The following DECR1 variants were observed in gnomAD, a reference collection of about 807,000 sequenced individuals.
DECR1 encodes 2,4-dienoyl-CoA reductase [(3E)-enoyl-CoA-producing], mitochondrial.
In DECR1, 44 loss-of-function variants were observed where a neutral mutation model predicts 38.8. The observed-to-expected ratio is 1.13, with a 90% CI of 0.89 to 1.46. DECR1 has a LOEUF of 1.46. Among genes scored for constraint, DECR1 ranks in the 40% most tolerant of loss-of-function variants. The probability of loss-of-function intolerance (pLI) is 0.00; values close to 1 mark genes in which losing one functional copy is unlikely to be tolerated. For missense variants in DECR1, 428 were observed against 405.5 expected, an observed-to-expected ratio of 1.06 and a Z score of -0.48; for synonymous variants, 148 against 135.2, an observed-to-expected ratio of 1.09 and a Z score of -0.66.
At chr8:90,013,399 G>GTTTTTTTTTTTT (rs57505716) in intron 1 of DECR1, among the ~76,000 whole-genome samples, 13 of 77,976 alleles carry the variant, frequency 1.7e-4, no homozygotes, top group Non-Finnish European at 2.1e-4. Context: ...CTCTTCTTTC[G>GTTTTTTTTTTTT]TTTTTTTTTT....
At chr8:90,007,370 C>G (rs1433176912) in intron 1 of DECR1, among the ~76,000 whole-genome samples, 1 of 152,106 alleles carries the variant, frequency 6.6e-6, no homozygotes, top group Non-Finnish European at 1.5e-5. Flanking sequence ...CTCGGAAGAT[C>G]AGTTAAAAGA....
At chr8:90,031,804 G>A (rs1456810038) in intron 5 of DECR1, among the ~76,000 whole-genome samples, 1 of 152,128 alleles carries the variant, frequency 6.6e-6, no homozygotes, top group African/African-American at 2.4e-5. Context: ...AAGGAGTTCA[G>A]TGTTGCTTAT....
chr8:90,051,319 G>A (rs1173830104), intron 8 of DECR1, among the ~76,000 whole-genome samples: 1 of 151,764 alleles, frequency 6.6e-6, no homozygotes, highest in Non-Finnish European at 1.5e-5. Context: ...GGGAGAGAGA[G>A]AAAAAAGGGA....
chr8:90,050,230 G>T (rs865993303), intron 8 of DECR1, among the ~76,000 whole-genome samples: 5 of 152,290 alleles, frequency 3.3e-5, no homozygotes, highest in African/African-American at 1.2e-4. Flanking sequence ...TACCATCAGA[G>T]TGAACAGGCA....
At chr8:90,041,884 C>A (rs1210323628) in intron 6 of DECR1, among the ~76,000 whole-genome samples, 2 of 151,964 alleles carry the variant, frequency 1.3e-5, no homozygotes, top group Admixed American at 6.6e-5. Context: ...TTCAAATTAT[C>A]CTGTCTTCCT....
intron 8 of DECR1, 70 bp from the exon 9 acceptor site, chr8:90,051,607 A>G: frequency 8.0e-7 from 1 of 1,248,262 alleles, no homozygotes; most frequent in Non-Finnish European, 1.2e-6. Context: ...TTAGTATGGG[A>G]AAATGGCTAG....
chr8:90,017,070 A>T (rs985976038), intron 1 of DECR1, 54 bp from the exon 2 acceptor site: 22 of 1,299,124 alleles, frequency 1.7e-5, no homozygotes, highest in East Asian at 2.3e-5. Flanking sequence ...TAAAAAATTC[A>T]TCTGTTTTTT....
intron 6 of DECR1, among the ~76,000 whole-genome samples, chr8:90,038,447 C>T (rs574900408): frequency 3.4e-5 from 5 of 146,256 alleles, no homozygotes; most frequent in South Asian, 2.2e-4. Flanking sequence ...AGCAGGGCAT[C>T]GCGGGCCTTT....
chr8:90,022,689 C>G (rs970229619), intron 5 of DECR1, among the ~76,000 whole-genome samples: 13 of 152,118 alleles, frequency 8.5e-5, no homozygotes, highest in African/African-American at 3.1e-4. Context: ...CTCTACTGCT[C>G]TGCCTCTGTC....
chr8:90,045,422 C>T (rs761026222), intron 8 of DECR1, among the ~76,000 whole-genome samples: 2 of 152,172 alleles, frequency 1.3e-5, no homozygotes, highest in East Asian at 3.9e-4. Context: ...CACAGAGCCT[C>T]GCTAACTGCT....
At chr8:90,009,467 A>G (rs994392732) in intron 1 of DECR1, among the ~76,000 whole-genome samples, 1 of 151,262 alleles carries the variant, frequency 6.6e-6, no homozygotes, top group African/African-American at 2.4e-5. Context: ...TCATTCCCCC[A>G]AGGATAATCT....
intron 6 of DECR1, among the ~76,000 whole-genome samples, chr8:90,038,773 A>G (rs1329357009): frequency 6.6e-6 from 1 of 152,190 alleles, no homozygotes; most frequent in Non-Finnish European, 1.5e-5. Context: ...TAGTAGTCCC[A>G]GAGCATTTTT....
chr8:90,031,274 CG>C (rs1228235796), intron 5 of DECR1, among the ~76,000 whole-genome samples: 1 of 151,986 alleles, frequency 6.6e-6, no homozygotes. Context: ...GAATAGTTCC[CG>C]GGGCAGACTA....
chr8:90,010,147 T>C (rs1812846557), intron 1 of DECR1, among the ~76,000 whole-genome samples: 1 of 152,230 alleles, frequency 6.6e-6, no homozygotes, highest in South Asian at 2.1e-4. Context: ...AGAATATCAG[T>C]GGCCTCTGTT....
intron 5 of DECR1, among the ~76,000 whole-genome samples, chr8:90,026,712 T>C (rs201786524): frequency 1.7e-4 from 26 of 152,146 alleles, no homozygotes; most frequent in African/African-American, 2.6e-4. Context: ...TTTTTTGTGT[T>C]TCTATCTCCT....
intron 2 of DECR1, 58 bp from the exon 3 acceptor site, chr8:90,018,851 C>A: frequency 1.6e-6 from 2 of 1,229,774 alleles, no homozygotes; most frequent in South Asian, 1.3e-5. Context: ...TCTCTGTATT[C>A]TTCAATTTAT....
intron 6 of DECR1, 112 bp from the exon 7 acceptor site, chr8:90,042,616 G>T (rs999167549): frequency 1.2e-6 from 1 of 844,400 alleles, no homozygotes; most frequent in Non-Finnish European, 2.0e-6. Context: ...GTACCTACCT[G>T]TTGGGGTTGT....
rs1812741775 is a variant in DECR1, at chr8:90,006,420, T to G, written c.69+4859T>G. The G allele has an allele frequency of 4.5e-6, 3 of 659,782 alleles. No individual in the cohort carries two copies. The South Asian group carries it at 5.0e-5, about 11-fold the overall frequency. 40.9% of individuals were successfully genotyped at this position (659,782 alleles called of 1,614,324 possible). ...CTATGTGAAGGCCCAGCATAAAGGT[T>G]ATCAACAGAGAGTGGGGAGGCAGGA... On this transcript the variant is annotated intron_variant, in intron 1 of 9. Coordinates refer to ENST00000220764, the MANE Select transcript of DECR1 (RefSeq NM_001359.2).
intron 1 of DECR1, among the ~76,000 whole-genome samples, chr8:90,002,246 A>G (rs753439040): frequency 8.5e-5 from 13 of 152,278 alleles, no homozygotes; most frequent in Non-Finnish European, 1.3e-4. Flanking sequence ...TGTTGTGAGG[A>G]AAGTCCATCT....
Sources: allele counts gnomAD v4.1 joint callset (sites outside exome capture counted in the v4.1 genomes callset), GRCh38; gene constraint gnomAD v4.1.1; transcripts MANE v1.5; gene names NCBI Gene and HGNC (gene_info 2026-07-23, HGNC 2026-07-21).